ROBO2: variants seen among roughly 807,000 people sequenced by gnomAD.
The protein encoded by ROBO2 is roundabout guidance receptor 2.
ROBO2 carries 53 observed loss-of-function variants against 160.8 expected under a neutral mutation model. The observed-to-expected ratio is 0.33, with a 90% CI of 0.26 to 0.41. ROBO2 has a LOEUF of 0.41. Among genes scored for constraint, ROBO2 ranks in the 10% least tolerant of loss-of-function variants. The probability of loss-of-function intolerance (pLI) is 1.00; values close to 1 mark genes in which losing one functional copy is unlikely to be tolerated. For synonymous variants in ROBO2, 664 were observed against 611.7 expected (o/e 1.09, Z -1.26); for missense variants, 1,577 against 1,722.4 (o/e 0.92, Z 1.49).
intron 2 of ROBO2, among the ~76,000 whole-genome samples, chr3:77,252,506 CATT>C (rs1473373330): frequency 1.3e-5 from 2 of 151,882 alleles, no homozygotes; most frequent in African/African-American, 2.4e-5. Context: ...TTTTATATAT[CATT>C]ATTAAATTAG....
At chr3:77,134,977 C>T (rs6548479) in intron 2 of ROBO2, among the ~76,000 whole-genome samples, 57,061 of 152,020 alleles carry the variant, frequency 0.38, 11,812 homozygotes, top group Middle Eastern at 0.52. Flanking sequence ...CAGTGTCCAT[C>T]TGTTTGCAGG....
intron 1 of ROBO2, among the ~76,000 whole-genome samples, chr3:75,913,803 A>G (rs1270209992): frequency 1.3e-5 from 2 of 152,212 alleles, no homozygotes; most frequent in Admixed American, 1.3e-4. Flanking sequence ...GTGTTTTTTT[A>G]ACCTTTGCAG....
At chr3:76,488,090 T>C (rs1398178324) in intron 2 of ROBO2, among the ~76,000 whole-genome samples, 1 of 152,150 alleles carries the variant, frequency 6.6e-6, no homozygotes, top group East Asian at 1.9e-4. Context: ...AGGGTCAACT[T>C]AGGTCCTTTC....
intron 2 of ROBO2, among the ~76,000 whole-genome samples, chr3:77,421,948 A>C (rs1441584135): frequency 6.6e-6 from 1 of 152,180 alleles, no homozygotes; most frequent in African/African-American, 2.4e-5. Flanking sequence ...AGACTCCTCT[A>C]ATTTAGAGTT....
At chr3:77,010,058 T>C (rs2061789107) in intron 2 of ROBO2, among the ~76,000 whole-genome samples, 1 of 151,962 alleles carries the variant, frequency 6.6e-6, no homozygotes, top group Non-Finnish European at 1.5e-5. Context: ...ATTAACTTAA[T>C]TGCCATAAAT....
intron 2 of ROBO2, among the ~76,000 whole-genome samples, chr3:77,407,775 A>G (rs924976480): frequency 7.9e-5 from 12 of 152,320 alleles, no homozygotes; most frequent in African/African-American, 2.9e-4. Context: ...TTAACTTTTA[A>G]AGTTGCCTTA....
At chr3:77,563,063 C>A in intron 10 of ROBO2, 104 bp from the exon 12 acceptor site, 4 of 1,023,050 alleles carry the variant, frequency 3.9e-6, no homozygotes, top group Non-Finnish European at 6.0e-6. Context: ...AGATGAATTT[C>A]TCACTGTCTA....
At chr3:76,517,870 T>G (rs2081416972) in intron 2 of ROBO2, among the ~76,000 whole-genome samples, 1 of 152,164 alleles carries the variant, frequency 6.6e-6, no homozygotes, top group Middle Eastern at 3.2e-3. Context: ...ATTCACATTT[T>G]GCATGTCATT....
chr3:76,020,706 CTG>C (rs1195798913), intron 2 of ROBO2, among the ~76,000 whole-genome samples: 2 of 151,912 alleles, frequency 1.3e-5, no homozygotes, highest in African/African-American at 4.8e-5. Flanking sequence ...CACACAGACT[CTG>C]TGGTTTATCT....
At chr3:76,948,877 TATATATA>T (rs1559749492) in intron 2 of ROBO2, among the ~76,000 whole-genome samples, 1,497 of 48,764 alleles carry the variant, frequency 0.031, 44 homozygotes, top group East Asian at 0.051. Context: ...GCTAATTTTA[TATATATA>T]TATATATATA....
intron 2 of ROBO2, among the ~76,000 whole-genome samples, chr3:77,316,050 A>G (rs2063954583): frequency 6.6e-6 from 1 of 152,202 alleles, no homozygotes; most frequent in Non-Finnish European, 1.5e-5. Context: ...AAGAAGTCCA[A>G]TTTAGATTCT....
intron 2 of ROBO2, among the ~76,000 whole-genome samples, chr3:76,461,169 G>A (rs185681213): frequency 2.6e-5 from 4 of 152,306 alleles, no homozygotes; most frequent in African/African-American, 4.8e-5. Context: ...CATGGCAGAA[G>A]GTAAAAGGGG....
chr3:77,444,465 A>T (rs1020074649), intron 2 of ROBO2, among the ~76,000 whole-genome samples: 1 of 152,010 alleles, frequency 6.6e-6, no homozygotes, highest in African/African-American at 2.4e-5. Context: ...AGCCTCAATA[A>T]CTCTGTTCAA....
chr3:76,566,536 A>G (rs551927857), intron 2 of ROBO2, among the ~76,000 whole-genome samples: 1 of 152,300 alleles, frequency 6.6e-6, no homozygotes, highest in South Asian at 2.1e-4. Flanking sequence ...AAATCCAATA[A>G]AGAATCTAGT....
intron 2 of ROBO2, among the ~76,000 whole-genome samples, chr3:76,991,728 G>A (rs2060675219): frequency 6.6e-6 from 1 of 152,154 alleles, no homozygotes. Context: ...TGAATATCCT[G>A]ACATTTATTG....
intron 2 of ROBO2, among the ~76,000 whole-genome samples, chr3:76,010,623 G>C (rs538472339): frequency 1.5e-3 from 224 of 152,284 alleles, no homozygotes; most frequent in African/African-American, 5.1e-3. Flanking sequence ...CTGTTTGCTG[G>C]ATGCTCACCT....
rs185015879 is a variant in ROBO2, at chr3:76,787,469, G to A, written c.110-310545G>A. 6.6e-4 allele frequency among the ~76,000 whole-genome samples: 99 copies of A among 151,096 alleles called. 3 individuals carry two copies. In the South Asian group the frequency reaches 0.02, roughly 30 times the overall value. On this transcript the variant is annotated intron_variant, in intron 2 of 26. Coordinates refer to the ROBO2 transcript ENST00000487694. The stretch of plus-strand genomic sequence containing the variant: ...ATTACTTATTCTCACTAGAGGGCAA[G>A]GTTTAAATTTGTTTCTGAAGCTACC...
intron 2 of ROBO2, among the ~76,000 whole-genome samples, chr3:76,660,391 T>A (rs2110042433): frequency 6.6e-6 from 1 of 152,176 alleles, no homozygotes; most frequent in East Asian, 1.9e-4. Context: ...AATCTACAGT[T>A]CCCAAGTGAA....
intron 21 of ROBO2, among the ~76,000 whole-genome samples, chr3:77,610,195 A>G (rs2094601090): frequency 6.6e-6 from 1 of 152,148 alleles, no homozygotes; most frequent in African/African-American, 2.4e-5. Flanking sequence ...TATTCATAAT[A>G]TTAAGTAAGT....
Sources: gnomAD v4.1 joint callset for allele counts (sites outside exome capture counted in the v4.1 genomes callset) on GRCh38, gnomAD v4.1.1 for gene constraint, MANE v1.5 for transcripts, NCBI Gene and HGNC (gene_info 2026-07-23, HGNC 2026-07-21) for gene names.